Variants in FHIT observed in about 807,000 individuals in gnomAD.
FHIT encodes the protein fragile histidine triad diadenosine triphosphatase.
In FHIT, 19 loss-of-function variants were observed where a neutral mutation model predicts 17.9. The observed-to-expected ratio is 1.06, with a 90% CI of 0.74 to 1.56. The LOEUF (loss-of-function observed/expected upper bound fraction) is 1.56. Ranked by LOEUF, FHIT falls within the 40% of genes most tolerant of loss-of-function variation. The pLI, the probability that FHIT is intolerant of heterozygous loss-of-function variation, is 0.00. For synonymous variants in FHIT, 81 were observed against 69.7 expected (o/e 1.16, Z -0.81); for missense variants, 248 against 189.2 (o/e 1.31, Z -1.82).
Position 60,743,298 on chromosome 3 carries a change from T to C in FHIT, c.-18+78621A>G, listed in dbSNP as rs80110583. 6.7e-4 allele frequency among the ~76,000 whole-genome samples: 102 copies of C among 152,308 alleles called. 3 individuals carry two copies. In the East Asian group the frequency reaches 0.011, roughly 17 times the overall value. ...CAGTAAAAAGTCATTGATCTAATTATTGTTGTACTTTATTGTCATTAATAT... is the reference window on the plus strand; with the variant it reads ...CAGTAAAAAGTCATTGATCTAATTACTGTTGTACTTTATTGTCATTAATAT... On this transcript the variant is annotated intron_variant, in intron 4 of 9. Coordinates refer to ENST00000492590, the MANE Select transcript of FHIT (RefSeq NM_002012.4).
At chr3:60,789,840 T>C (rs1401990273) in intron 4 of FHIT, among the ~76,000 whole-genome samples, 1 of 152,212 alleles carries the variant, frequency 6.6e-6, no homozygotes. Context: ...TAATTCAATG[T>C]TGGTTTAAAA....
chr3:60,761,618 CTT>C lies in FHIT; in HGVS notation c.-18+60299_-18+60300del, dbSNP rs71629113. Among the ~76,000 whole-genome samples, 790 of 128,636 alleles carry C rather than the reference CTT, an allele frequency of 6.1e-3. 5 individuals are homozygous for C. Among genetic ancestry groups the C allele is most frequent in the African/African-American group, 0.02 (718 of 35,422 alleles). 84.4% of individuals were successfully genotyped at this position (128,636 alleles called of 152,430 possible). On this transcript the variant is annotated intron_variant, in intron 4 of 9. Transcript: ENST00000492590. ...AAACTGACACTATTTTCTTCCATGT[CTT>C]TTTTTTTTTTTTTTTTCATTCCTAG...
At chr3:60,598,064 T>C (rs1240200071) in intron 4 of FHIT, among the ~76,000 whole-genome samples, 3 of 152,118 alleles carry the variant, frequency 2.0e-5, no homozygotes, top group African/African-American at 7.2e-5. Context: ...CTTGAAAGTA[T>C]AAAAAGGTCT....
At position 60,693,086 on chromosome 3, in the gene FHIT, G is replaced by A. The variant is rs1207994088; in HGVS notation, c.-18+128833C>T. Among the ~76,000 whole-genome samples, 5 of 152,234 alleles carry A rather than the reference G, an allele frequency of 3.3e-5. No individual in the cohort carries two copies. In the East Asian group the frequency reaches 9.7e-4, roughly 29 times the overall value. On this transcript the variant is annotated intron_variant, in intron 4 of 9. Coordinates refer to ENST00000492590, the MANE Select transcript of FHIT (RefSeq NM_002012.4). Reference sequence around the variant, plus strand: ...TTGACTATAAAAACAAATTTTTAGTGGCAGCGACTTCTTTTTGGCATATAT... The same window carrying A: ...TTGACTATAAAAACAAATTTTTAGTAGCAGCGACTTCTTTTTGGCATATAT...
At chr3:61,167,643 A>G (rs563574162) in intron 2 of FHIT, among the ~76,000 whole-genome samples, 88 of 151,188 alleles carry the variant, frequency 5.8e-4, no homozygotes, top group Middle Eastern at 3.4e-3. Flanking sequence ...AAAAAAAAAA[A>G]AAAGAAAGAA....
chr3:60,641,095 G>T (rs1323571981), intron 4 of FHIT, among the ~76,000 whole-genome samples: 1 of 152,088 alleles, frequency 6.6e-6, no homozygotes, highest in Non-Finnish European at 1.5e-5. Context: ...CAGGAGAATT[G>T]CTTGAAACTG....
chr3:61,239,786 C>CATATATAT (rs2040329899), intron 1 of FHIT, among the ~76,000 whole-genome samples: 1 of 57,744 alleles, frequency 1.7e-5, no homozygotes, highest in African/African-American at 1.6e-4. Flanking sequence ...TATATATATA[C>CATATATAT]ACAAATTCTA....
chr3:60,550,183 C>T (rs972819421), intron 4 of FHIT, among the ~76,000 whole-genome samples: 1 of 152,178 alleles, frequency 6.6e-6, no homozygotes, highest in African/African-American at 2.4e-5. Flanking sequence ...TCTGGCCCCG[C>T]TCTGAAACAT....
intron 4 of FHIT, among the ~76,000 whole-genome samples, chr3:60,544,732 G>A (rs1184223376): frequency 6.6e-6 from 1 of 151,928 alleles, no homozygotes; most frequent in African/African-American, 2.4e-5. Flanking sequence ...AAGTAGCTGG[G>A]ATTGCAGGCA....
At chr3:60,677,124 G>A (rs769792346) in intron 4 of FHIT, among the ~76,000 whole-genome samples, 14 of 152,042 alleles carry the variant, frequency 9.2e-5, no homozygotes, top group East Asian at 1.9e-4. Context: ...TGATCTGCCC[G>A]CCTGGGCCTC....
intron 2 of FHIT, among the ~76,000 whole-genome samples, chr3:61,182,935 T>A (rs1267367688): frequency 2.6e-5 from 4 of 152,332 alleles, no homozygotes; most frequent in African/African-American, 9.6e-5. Flanking sequence ...GACATCCACA[T>A]CTGAGCTCAC....
chr3:60,972,185 T>C (rs753543395), intron 3 of FHIT, among the ~76,000 whole-genome samples: 6 of 152,186 alleles, frequency 3.9e-5, no homozygotes, highest in Non-Finnish European at 5.9e-5. Flanking sequence ...TTTTTGGTGT[T>C]CTTCATGCCC....
chr3:60,842,629 G>A lies in FHIT; in HGVS notation c.-110-20618C>T, dbSNP rs1392219831. On this transcript the variant is annotated intron_variant, in intron 3 of 9. Transcript: ENST00000492590. ...TATATATATACATATATATATGAGT[G>A]TATATATATATATATATTTTTTTTT... is the stretch of plus-strand genomic sequence containing the variant. 4.5e-3 allele frequency among the ~76,000 whole-genome samples: 384 copies of A among 84,908 alleles called. 7 individuals are homozygous for A. The highest frequency in any genetic ancestry group is 0.014 in the African/African-American group (292 of 20,754). 55.7% of individuals were successfully genotyped at this position (84,908 alleles called of 152,430 possible).
chr3:59,989,188 CT>C (rs1174016283), intron 7 of FHIT, among the ~76,000 whole-genome samples: 1 of 151,996 alleles, frequency 6.6e-6, no homozygotes, highest in Non-Finnish European at 1.5e-5. Flanking sequence ...GGCAGATATT[CT>C]CATTTCAAGC....
intron 3 of FHIT, among the ~76,000 whole-genome samples, chr3:60,928,770 G>A (rs1419029447): frequency 2.0e-5 from 3 of 152,022 alleles, no homozygotes; most frequent in East Asian, 1.9e-4. Context: ...ATTCACAGCC[G>A]AATTCTACCA....
At chr3:60,054,554 G>A (rs1160746139) in intron 5 of FHIT, among the ~76,000 whole-genome samples, 4 of 152,256 alleles carry the variant, frequency 2.6e-5, no homozygotes, top group African/African-American at 9.6e-5. Flanking sequence ...TAATGATGGA[G>A]CTAGGAAGTT....
chr3:60,308,945 G>T (rs1202029865), intron 5 of FHIT, among the ~76,000 whole-genome samples: 1 of 152,028 alleles, frequency 6.6e-6, no homozygotes, highest in Non-Finnish European at 1.5e-5. Flanking sequence ...TTAAAATCTG[G>T]CCTAGAGAGT....
At chr3:60,581,319 T>G (rs782188318) in intron 4 of FHIT, among the ~76,000 whole-genome samples, 1 of 152,124 alleles carries the variant, frequency 6.6e-6, no homozygotes, top group Non-Finnish European at 1.5e-5. Context: ...ACAAGTAGTC[T>G]AGATGAGAGA....
At chr3:61,213,611 A>G (rs973984284) in intron 1 of FHIT, among the ~76,000 whole-genome samples, 1 of 152,224 alleles carries the variant, frequency 6.6e-6, no homozygotes, top group Non-Finnish European at 1.5e-5. Context: ...ACAGAAAGTT[A>G]ACAAGGATAT....
Sources: gnomAD v4.1 joint callset for allele counts (sites outside exome capture counted in the v4.1 genomes callset) on GRCh38, gnomAD v4.1.1 for gene constraint, MANE v1.5 for transcripts, NCBI Gene and HGNC (gene_info 2026-07-23, HGNC 2026-07-21) for gene names.